The following CFHR1 variants were observed in gnomAD, a reference collection of about 807,000 sequenced individuals.
CFHR1 encodes complement factor H-related protein 1.
In CFHR1, 22 loss-of-function variants were observed where a neutral mutation model predicts 30.4. That is an observed-to-expected ratio of 0.72 (90% CI 0.52 to 1.03). CFHR1 has a LOEUF of 1.03. CFHR1 is among the 50% of genes least tolerant of loss of function. The probability of loss-of-function intolerance (pLI) is 0.00; values close to 1 mark genes in which losing one functional copy is unlikely to be tolerated. For missense variants in CFHR1, 248 were observed against 380.6 expected (o/e 0.65, Z 2.90); for synonymous variants, 95 against 129.1 (o/e 0.74, Z 1.79).
rs374490965 is a variant in CFHR1, at chr1:196,825,717, G to T, written c.253+46G>T. 2.1e-6 allele frequency: 3 copies of T among 1,452,460 alleles called. No individual in the cohort carries two copies. The African/African-American group carries it at 5.4e-5, about 26-fold the overall frequency. The allele number at this position is 1,452,460 out of a possible 1,614,324, so 90.0% of individuals were successfully genotyped here. On this transcript the variant is annotated intron_variant, in intron 2 of 5. Transcript: ENST00000320493. ...TTAAATGGATGTCATTCAGTGAATAGAGAAGGATATGCCAGACAAGATCAT... is the reference window on the plus strand; with the variant it reads ...TTAAATGGATGTCATTCAGTGAATATAGAAGGATATGCCAGACAAGATCAT...
At position 196,827,017 on chromosome 1, in the gene CFHR1, G is replaced by A. The variant is rs1655354796; in HGVS notation, c.430+12G>A. 1 of 1,518,010 alleles carries A rather than the reference G, an allele frequency of 6.6e-7. No individual in the cohort carries two copies. The highest frequency in any genetic ancestry group is 1.7e-5 in the Admixed American group (1 of 57,922). 94.0% of individuals were successfully genotyped at this position (1,518,010 alleles called of 1,614,324 possible). On this transcript the variant is annotated intron_variant, in intron 3 of 5. Coordinates refer to ENST00000320493, the MANE Select transcript of CFHR1 (RefSeq NM_002113.3). ...ATGCAGGTCCACTGGTAAGTACAATGCTGTTCTCTCATATGCTGTTATCTA... is the reference window on the plus strand; with the variant it reads ...ATGCAGGTCCACTGGTAAGTACAATACTGTTCTCTCATATGCTGTTATCTA...
Position 196,825,497 on chromosome 1 carries a change from A to G in CFHR1, c.79A>G (p.Lys27Glu), listed in dbSNP as rs766129586. The G allele has an allele frequency of 6.6e-7, 1 of 1,512,308 alleles. No individual in the cohort carries two copies. The highest frequency in any genetic ancestry group is 2.2e-5 in the East Asian group (1 of 44,536). The allele number at this position is 1,512,308 out of a possible 1,614,324, so 93.7% of individuals were successfully genotyped here. A position where few individuals can be genotyped will look rare whatever the true frequency, so the allele number is the denominator to read the frequency against. The change falls in exon 2 of 6, where the codon AAA (lysine) becomes GAA (glutamate). Residue 27 changes from lysine (K) to glutamate (E), a missense_variant. Physicochemically the swap from Lys to Glu is moderately conservative, Grantham distance 56. Coordinates refer to ENST00000320493, the MANE Select transcript of CFHR1 (RefSeq NM_002113.3). ...CCCAGCAACATTTTGTGATTTTCCA[A>G]AAATAAACCATGGAATTCTATATGA... is the stretch of plus-strand genomic sequence containing the variant. Reference protein sequence around the residue: ...GGEATFCDFPKINHGILYDEE... With the variant: ...GGEATFCDFPEINHGILYDEE...
rs1553292704 is a variant in CFHR1, at chr1:196,823,101, A to ATATG, written c.59-2375_59-2374insATGT. ...TACGACTGTATATATATATATATATATGTGTGTGTGTGTGTGTGTGTGTGT... is the reference window on the plus strand; with the variant it reads ...TACGACTGTATATATATATATATATATATGTGTGTGTGTGTGTGTGTGTGTGTGT... On this transcript the variant is annotated intron_variant, in intron 1 of 5. Transcript: ENST00000320493. 8.3e-4 allele frequency among the ~76,000 whole-genome samples: 39 copies of ATATG among 47,060 alleles called. 2 individuals carry two copies. Among genetic ancestry groups the ATATG allele is most frequent in the Non-Finnish European group, 1.1e-3 (29 of 25,570 alleles). The allele number at this position is 47,060 out of a possible 152,430, so 30.9% of individuals were successfully genotyped here.
chr1:196,827,400 A>T (rs1363904782), intron 3 of CFHR1, among the ~76,000 whole-genome samples: 4 of 135,342 alleles, frequency 3.0e-5, no homozygotes, highest in African/African-American at 1.3e-4. Context: ...CTACACATGG[A>T]CCTGAAACTC....
chr1:196,830,786 T>G, intron 5 of CFHR1, 104 bp downstream of exon 5: 1 of 1,390,122 alleles, frequency 7.2e-7, no homozygotes, highest in Non-Finnish European at 9.9e-7. Context: ...ACCATTCTGC[T>G]GAATGCCTGC....
At chr1:196,831,439 G>A (rs576342502) in intron 5 of CFHR1, among the ~76,000 whole-genome samples, 3 of 134,696 alleles carry the variant, frequency 2.2e-5, no homozygotes, top group Non-Finnish European at 4.7e-5. Context: ...CTCTATGTTT[G>A]ATTCCAAGTT....
At position 196,823,479 on chromosome 1, in the gene CFHR1, T is replaced by G. The variant is rs1162845069; in HGVS notation, c.59-1998T>G. 8.1e-5 allele frequency among the ~76,000 whole-genome samples: 11 copies of G among 135,028 alleles called. 4 individuals are homozygous for G. Among genetic ancestry groups the G allele is most frequent in the Non-Finnish European group, 1.7e-4 (11 of 64,292 alleles). 88.6% of individuals were successfully genotyped at this position (135,028 alleles called of 152,430 possible). ...TACTATCAAGACGGGAGTCTTTCCC[T>G]CAACACCTTTACCAAAACTATCTAA... is the stretch of plus-strand genomic sequence containing the variant. On this transcript the variant is annotated intron_variant, in intron 1 of 5. Coordinates refer to ENST00000320493, the MANE Select transcript of CFHR1 (RefSeq NM_002113.3).
Position 196,822,544 on chromosome 1 carries a change from C to T in CFHR1, c.58+2642C>T, listed in dbSNP as rs184541431. Among the ~76,000 whole-genome samples the T allele has an allele frequency of 6.1e-4, 81 of 133,066 alleles. 16 individuals are homozygous for T. The highest frequency in any genetic ancestry group is 2.4e-3 in the South Asian group (9 of 3,808). The allele number at this position is 133,066 out of a possible 152,430, so 87.3% of individuals were successfully genotyped here. On this transcript the variant is annotated intron_variant, in intron 1 of 5. Coordinates refer to ENST00000320493, the MANE Select transcript of CFHR1 (RefSeq NM_002113.3). Reference sequence around the variant, plus strand: ...ACTTTTTAAACCTTTTTGTTAAAAACAGACACAAACACACACATTAACCTC... The same window carrying T: ...ACTTTTTAAACCTTTTTGTTAAAAATAGACACAAACACACACATTAACCTC...
In CFHR1 at chr1:196,824,184, C is replaced by T. The variant is rs541111727; in HGVS notation, c.59-1293C>T. Reference sequence around the variant, plus strand: ...GCAGATACCAAAATCCAAGGATACTCAAGTGTCTAAGAGAGAATGGTGTAG... The same window carrying T: ...GCAGATACCAAAATCCAAGGATACTTAAGTGTCTAAGAGAGAATGGTGTAG... On this transcript the variant is annotated intron_variant, in intron 1 of 5. Coordinates refer to ENST00000320493, the MANE Select transcript of CFHR1 (RefSeq NM_002113.3). Among the ~76,000 whole-genome samples, 3 of 134,842 alleles carry T rather than the reference C, an allele frequency of 2.2e-5. No homozygotes were observed. The East Asian group carries it at 5.9e-4, about 26-fold the overall frequency. 88.5% of individuals were successfully genotyped at this position (134,842 alleles called of 152,430 possible).
intron 1 of CFHR1, among the ~76,000 whole-genome samples, chr1:196,823,644 C>A (rs1232465470): frequency 7.4e-6 from 1 of 135,714 alleles, no homozygotes; most frequent in Non-Finnish European, 1.6e-5. Context: ...AATTTCTGCA[C>A]ACATCTTTCA....
chr1:196,828,896 A>G (rs1443779567), intron 4 of CFHR1, among the ~76,000 whole-genome samples: 1 of 127,484 alleles, frequency 7.8e-6, no homozygotes, highest in East Asian at 2.0e-4. Context: ...TTACATATCC[A>G]TTCATCCTTT....
chr1:196,830,422 T>C (rs1655498878), intron 4 of CFHR1, 78 bp from the exon 5 acceptor site: 1 of 1,382,072 alleles, frequency 7.2e-7, no homozygotes, highest in East Asian at 2.3e-5. Context: ...TAAAGTGCTG[T>C]GTTTGTATTT....
At position 196,825,316 on chromosome 1, in the gene CFHR1, G is replaced by A. The variant is rs111886512; in HGVS notation, c.59-161G>A. 1,860 of 485,468 alleles carry A rather than the reference G, an allele frequency of 3.8e-3. 491 individuals are homozygous for A. The African/African-American group carries it at 0.072, about 19-fold the overall frequency. The allele number at this position is 485,468 out of a possible 1,614,324, so 30.1% of individuals were successfully genotyped here. A position where few individuals can be genotyped will look rare whatever the true frequency, so the allele number is the denominator to read the frequency against. ...AAATAGTCATGTACTCCTAGTTAGT[G>A]ATGCTTTTCATTCCTAATTTGTACA... On this transcript the variant is annotated intron_variant, in intron 1 of 5. Transcript: ENST00000320493.
In CFHR1 at chr1:196,831,860, A is replaced by G. The variant is rs1436598222; in HGVS notation, c.854A>G (p.Lys285Arg). 2.0e-6 allele frequency: 3 copies of G among 1,525,424 alleles called. 1 individual carries two copies. In the African/African-American group the frequency reaches 5.1e-5, roughly 26 times the overall value. The allele number at this position is 1,525,424 out of a possible 1,614,324, so 94.5% of individuals were successfully genotyped here. Reference protein sequence around the residue: ...NYNIALRWTAKQKLYLRTGES... With the variant: ...NYNIALRWTARQKLYLRTGES... Reference sequence around the variant, plus strand: ...AACATAGCATTAAGGTGGACAGCCAAACAGAAGCTTTATTTGAGAACAGGT... The same window carrying G: ...AACATAGCATTAAGGTGGACAGCCAGACAGAAGCTTTATTTGAGAACAGGT... Residue 285 changes from lysine (K) to arginine (R), a missense_variant, in exon 6 of 6, where the codon AAA (lysine) becomes AGA (arginine). Coordinates refer to ENST00000320493, the MANE Select transcript of CFHR1 (RefSeq NM_002113.3).
chr1:196,823,502 T>C lies in CFHR1; in HGVS notation c.59-1975T>C, dbSNP rs1397164412. ...CCTCAACACCTTTACCAAAACTATCTAATGTCAAATTTTAAACAGTTAGAT... is the reference window on the plus strand; with the variant it reads ...CCTCAACACCTTTACCAAAACTATCCAATGTCAAATTTTAAACAGTTAGAT... On this transcript the variant is annotated intron_variant, in intron 1 of 5. Coordinates refer to ENST00000320493, the MANE Select transcript of CFHR1 (RefSeq NM_002113.3). 1.5e-5 allele frequency among the ~76,000 whole-genome samples: 2 copies of C among 135,166 alleles called. 1 individual carries two copies. Among genetic ancestry groups the C allele is most frequent in the African/African-American group, 6.3e-5 (2 of 31,670 alleles). The allele number at this position is 135,166 out of a possible 152,430, so 88.7% of individuals were successfully genotyped here.
Position 196,824,778 on chromosome 1 carries a change from A to G in CFHR1, c.59-699A>G, listed in dbSNP as rs1403244226. 1.8e-5 allele frequency among the ~76,000 whole-genome samples: 2 copies of G among 110,440 alleles called. 1 individual carries two copies. Among genetic ancestry groups the G allele is most frequent in the Non-Finnish European group, 3.5e-5 (2 of 56,620 alleles). The allele number at this position is 110,440 out of a possible 152,430, so 72.5% of individuals were successfully genotyped here. On this transcript the variant is annotated intron_variant, in intron 1 of 5. Coordinates refer to ENST00000320493, the MANE Select transcript of CFHR1 (RefSeq NM_002113.3). ...TATATATATATATATATATATATAT[A>G]TATGTGCGTGTGTGTGTGTGTTCAC...
chr1:196,823,898 A>G (rs1265861019), intron 1 of CFHR1, among the ~76,000 whole-genome samples: 3 of 134,404 alleles, frequency 2.2e-5, no homozygotes, highest in Admixed American at 2.1e-4. Flanking sequence ...GGGAAGAGGA[A>G]GTGGTATATA....
Position 196,825,697 on chromosome 1 carries a change from T to C in CFHR1, c.253+26T>C, listed in dbSNP as rs768330868. On this transcript the variant is annotated intron_variant, in intron 2 of 5. Coordinates refer to ENST00000320493, the MANE Select transcript of CFHR1 (RefSeq NM_002113.3). The stretch of plus-strand genomic sequence containing the variant: ...GTGAGTAAATGCTCTGTTCATTAAA[T>C]GGATGTCATTCAGTGAATAGAGAAG... 6.0e-6 allele frequency: 9 copies of C among 1,490,860 alleles called. 2 individuals carry two copies. Among genetic ancestry groups the C allele is most frequent in the Non-Finnish European group, 8.2e-6 (9 of 1,099,904 alleles). The allele number at this position is 1,490,860 out of a possible 1,614,324, so 92.4% of individuals were successfully genotyped here.
At chr1:196,825,696 A>G in intron 2 of CFHR1, 25 bp downstream of exon 2, 6 of 1,491,258 alleles carry the variant, frequency 4.0e-6, no homozygotes, top group Non-Finnish European at 5.5e-6. Flanking sequence ...TGTTCATTAA[A>G]TGGATGTCAT....
Sources: gnomAD v4.1 joint callset for allele counts (sites outside exome capture counted in the v4.1 genomes callset) on GRCh38, gnomAD v4.1.1 for gene constraint, MANE v1.5 for transcripts, NCBI Gene and HGNC (gene_info 2026-07-23, HGNC 2026-07-21) for gene names.